Variants in LARS2 observed in about 807,000 individuals in gnomAD.
The protein encoded by LARS2 is leucine--tRNA ligase, mitochondrial.
Under a neutral mutation model 116.6 loss-of-function variants are expected in LARS2, and 81 were observed. The ratio of observed to expected loss-of-function variants is 0.69; its 90% CI spans 0.58 to 0.84. LARS2 has a LOEUF of 0.84. Among genes scored for constraint, LARS2 ranks in the 40% least tolerant of loss-of-function variants. The pLI is 0.00. For missense variants in LARS2, 968 were observed against 1,114.5 expected (o/e 0.87, Z 1.87); for synonymous variants, 396 against 407.2 (o/e 0.97, Z 0.33).
intron 8 of LARS2, among the ~76,000 whole-genome samples, chr3:45,459,433 CA>C (rs1369920399): frequency 1.3e-5 from 2 of 152,136 alleles, no homozygotes; most frequent in South Asian, 2.1e-4. Flanking sequence ...GAGAGAAGGC[CA>C]AGTGAAAATG....
chr3:45,528,518 A>C (rs781022255), intron 20 of LARS2, among the ~76,000 whole-genome samples: 1 of 152,202 alleles, frequency 6.6e-6, no homozygotes, highest in African/African-American at 2.4e-5. Flanking sequence ...TTGTGCACCC[A>C]TCACCATGAT....
At chr3:45,486,299 T>C (rs1279427395) in intron 11 of LARS2, among the ~76,000 whole-genome samples, 1 of 152,156 alleles carries the variant, frequency 6.6e-6, no homozygotes, top group Non-Finnish European at 1.5e-5. Context: ...AAGAAAAGGA[T>C]TGTGAAACAG....
intron 20 of LARS2, among the ~76,000 whole-genome samples, chr3:45,530,519 A>G (rs77442225): frequency 6.7e-6 from 1 of 148,328 alleles, no homozygotes; most frequent in Non-Finnish European, 1.5e-5. Flanking sequence ...ACTCCGTCTC[A>G]AAAAAAAAAC....
intron 6 of LARS2, among the ~76,000 whole-genome samples, chr3:45,427,748 C>T (rs180877433): frequency 6.6e-6 from 1 of 152,078 alleles, no homozygotes; most frequent in South Asian, 2.1e-4. Flanking sequence ...CCTCCAGTCA[C>T]AACTCTGTCT....
intron 10 of LARS2, among the ~76,000 whole-genome samples, chr3:45,481,570 T>C (rs1020426409): frequency 1.6e-4 from 25 of 152,242 alleles, no homozygotes; most frequent in Non-Finnish European, 2.6e-4. Context: ...GATACCTCAG[T>C]GTAGTTTTAA....
chr3:45,519,900 G>A lies in LARS2; in HGVS notation c.2215-319G>A, dbSNP rs1023805507. 6.5e-5 allele frequency: 14 copies of A among 214,224 alleles called. 1 individual carries two copies. Among genetic ancestry groups the A allele is most frequent in the Non-Finnish European group, 1.2e-4 (13 of 106,324 alleles). The allele number at this position is 214,224 out of a possible 1,614,324, so 13.3% of individuals were successfully genotyped here. A position where few individuals can be genotyped will look rare whatever the true frequency, so the allele number is the denominator to read the frequency against. ...TGACCTCAAGTAATCCACCCACCTCGGCCTTCCAAAGTGCTAGGATTACAG... is the reference window on the plus strand; with the variant it reads ...TGACCTCAAGTAATCCACCCACCTCAGCCTTCCAAAGTGCTAGGATTACAG... On this transcript the variant is annotated intron_variant, in intron 18 of 21. Coordinates refer to ENST00000645846, the MANE Select transcript of LARS2 (RefSeq NM_015340.4).
At chr3:45,430,583 C>CTT (rs35964512) in intron 6 of LARS2, among the ~76,000 whole-genome samples, 4 of 90,406 alleles carry the variant, frequency 4.4e-5, no homozygotes, top group South Asian at 4.0e-4. Flanking sequence ...CCCGGCCAAT[C>CTT]TTTTTTTTTT....
intron 16 of LARS2, among the ~76,000 whole-genome samples, chr3:45,515,162 T>C (rs1487461493): frequency 6.6e-6 from 1 of 152,148 alleles, no homozygotes; most frequent in East Asian, 1.9e-4. Context: ...TCATAGGAAG[T>C]CACCAGCCAC....
chr3:45,426,915 T>C (rs1435397513), intron 6 of LARS2, among the ~76,000 whole-genome samples: 1 of 152,208 alleles, frequency 6.6e-6, no homozygotes, highest in African/African-American at 2.4e-5. Flanking sequence ...TTTCCTGATG[T>C]AATGCTTGTT....
chr3:45,429,002 A>G (rs534647828), intron 6 of LARS2, among the ~76,000 whole-genome samples: 37 of 152,208 alleles, frequency 2.4e-4, no homozygotes, highest in African/African-American at 8.9e-4. Flanking sequence ...CATTTTGAAA[A>G]CTAAGAAAAT....
chr3:45,442,779 C>T (rs2125701638), intron 6 of LARS2, among the ~76,000 whole-genome samples: 1 of 152,294 alleles, frequency 6.6e-6, no homozygotes, highest in South Asian at 2.1e-4. Context: ...TCCACTTTTG[C>T]TCATTGATGT....
At chr3:45,524,611 G>A (rs1022438053) in intron 20 of LARS2, among the ~76,000 whole-genome samples, 4 of 152,124 alleles carry the variant, frequency 2.6e-5, no homozygotes, top group Admixed American at 2.6e-4. Context: ...GACAAAACCA[G>A]GACTTCACAT....
chr3:45,528,971 A>T (rs1700575403), intron 20 of LARS2, among the ~76,000 whole-genome samples: 1 of 151,728 alleles, frequency 6.6e-6, no homozygotes, highest in Non-Finnish European at 1.5e-5. Flanking sequence ...CAGGTTCAAG[A>T]GATTCTCCTG....
At chr3:45,531,691 C>T (rs1700618355) in intron 20 of LARS2, among the ~76,000 whole-genome samples, 2 of 152,086 alleles carry the variant, frequency 1.3e-5, no homozygotes, top group African/African-American at 4.8e-5. Flanking sequence ...GCCTACTGTC[C>T]TTTTAAAAAG....
intron 20 of LARS2, among the ~76,000 whole-genome samples, chr3:45,528,404 G>C (rs1380242773): frequency 6.6e-6 from 1 of 152,120 alleles, no homozygotes; most frequent in Non-Finnish European, 1.5e-5. Flanking sequence ...GTGTCCACTT[G>C]TCTGTGTTGT....
At chr3:45,435,306 G>A (rs953308142) in intron 6 of LARS2, among the ~76,000 whole-genome samples, 1 of 152,128 alleles carries the variant, frequency 6.6e-6, no homozygotes, top group African/African-American at 2.4e-5. Context: ...GGGATGGATT[G>A]TTCACTAACG....
At position 45,548,219 on chromosome 3, in the gene LARS2, C is replaced by T. The variant is rs537455701; in HGVS notation, c.*689C>T. ...CCCAACCCCAGCTGGATGTGCCTCCCAGGCCTGCTGTGGTTCTGACACACA... is the reference window on the plus strand; with the variant it reads ...CCCAACCCCAGCTGGATGTGCCTCCTAGGCCTGCTGTGGTTCTGACACACA... On this transcript the variant is annotated 3_prime_UTR_variant, in exon 22 of 22. Coordinates refer to ENST00000645846, the MANE Select transcript of LARS2 (RefSeq NM_015340.4). 3 of 152,480 alleles carry T rather than the reference C, an allele frequency of 2.0e-5. No homozygotes were observed. The highest frequency in any genetic ancestry group is 7.2e-5 in the African/African-American group (3 of 41,586). The allele number at this position is 152,480 out of a possible 1,614,324, so 9.4% of individuals were successfully genotyped here. A position where few individuals can be genotyped will look rare whatever the true frequency, so the allele number is the denominator to read the frequency against.
chr3:45,455,494 A>G (rs1036933648), intron 7 of LARS2, among the ~76,000 whole-genome samples: 5 of 152,132 alleles, frequency 3.3e-5, no homozygotes, highest in South Asian at 2.1e-4. Context: ...CTTTCTTTCT[A>G]CCTGTTATTT....
Position 45,402,895 on chromosome 3 carries a change from C to T in LARS2, c.363+2522C>T, listed in dbSNP as rs954525353. 7.2e-5 allele frequency among the ~76,000 whole-genome samples: 11 copies of T among 151,926 alleles called. No individual in the cohort carries two copies. The South Asian group carries it at 1.3e-3, about 17-fold the overall frequency. On this transcript the variant is annotated intron_variant, in intron 4 of 21. Coordinates refer to ENST00000645846, the MANE Select transcript of LARS2 (RefSeq NM_015340.4). Reference sequence around the variant, plus strand: ...CCGAAGTGGGCAGATCACCTGAGGTCGGGAGGTCAAGACCAGCCTGACCAA... The same window carrying T: ...CCGAAGTGGGCAGATCACCTGAGGTTGGGAGGTCAAGACCAGCCTGACCAA...
Sources: allele counts gnomAD v4.1 joint callset (sites outside exome capture counted in the v4.1 genomes callset), GRCh38; gene constraint gnomAD v4.1.1; transcripts MANE v1.5; gene names NCBI Gene and HGNC (gene_info 2026-07-23, HGNC 2026-07-21).